Variants in ATP8B3 observed in about 807,000 individuals in gnomAD.
The protein encoded by ATP8B3 is phospholipid-transporting ATPase IK.
Under a neutral mutation model 140.9 loss-of-function variants are expected in ATP8B3, and 141 were observed. That is an observed-to-expected ratio of 1.00 (90% CI 0.87 to 1.15). The LOEUF (loss-of-function observed/expected upper bound fraction) is 1.15, where lower values mean the gene tolerates loss of function less well. ATP8B3 is among the 50% of genes most tolerant of loss of function. The probability of loss-of-function intolerance (pLI) is 0.00; values close to 1 mark genes in which losing one functional copy is unlikely to be tolerated. For missense variants in ATP8B3, 1,874 were observed against 1,740.6 expected (o/e 1.08, Z -1.36); for synonymous variants, 765 against 714.6 (o/e 1.07, Z -1.13).
rs1398289930 is a variant in ATP8B3, at chr19:1,792,094, G to A, written c.2097C>T (p.Tyr699=). The A allele has an allele frequency of 1.3e-5, 21 of 1,573,546 alleles. No individual in the cohort carries two copies. Among genetic ancestry groups the A allele is most frequent in the Non-Finnish European group, 1.6e-5 (19 of 1,163,570 alleles). The change falls in exon 19 of 29, where the codon TAC becomes TAT. Residue 699 remains tyrosine (Y), a synonymous_variant. Transcript: ENST00000310127. ...CGTAAATGTCCTCAGCCACCTCCCTGTAGGCCAGGCACAGTGTCCGCAGGG... is the reference window on the plus strand; with the variant it reads ...CGTAAATGTCCTCAGCCACCTCCCTATAGGCCAGGCACAGTGTCCGCAGGG... ...QETLRTLCLA[Y]REVAEDIYED... is the part of the protein sequence containing the mutation.
At chr19:1,808,792 C>A (rs1439873060) in intron 4 of ATP8B3, among the ~76,000 whole-genome samples, 1 of 152,230 alleles carries the variant, frequency 6.6e-6, no homozygotes, top group Non-Finnish European at 1.5e-5. Context: ...CCCTCACGTG[C>A]ACTGGGACAG....
At chr19:1,809,561 C>T in intron 4 of ATP8B3, 82 bp downstream of exon 4, 1 of 1,221,092 alleles carries the variant, frequency 8.2e-7, no homozygotes, top group Non-Finnish European at 1.2e-6. Flanking sequence ...AGAGGCAGGA[C>T]TCAGGAGGAG....
chr19:1,791,018 A>AT (rs1056561677), intron 20 of ATP8B3, among the ~76,000 whole-genome samples, 186 bp from the exon 21 acceptor site: 1 of 152,118 alleles, frequency 6.6e-6, no homozygotes, highest in African/African-American at 2.4e-5. Context: ...CAGCCCTGAG[A>AT]TTTTGGCTGT....
Position 1,805,850 on chromosome 19 carries a change from C to A in ATP8B3, c.821+38G>T. On this transcript the variant is annotated intron_variant, in intron 9 of 28. Coordinates refer to ENST00000310127, the MANE Select transcript of ATP8B3 (RefSeq NM_138813.4). This position sits in a 1 kb window ranked among gnomAD's most constrained non-coding sequence, Gnocchi z 5.2. ...GGGGGCTCCTCCGGGCCATGCTCCC[C>A]ACCCCCCAGGGTCCCCAGCGATGCC... The A allele has an allele frequency of 5.0e-6, 8 of 1,611,636 alleles. No homozygotes were observed. Among genetic ancestry groups the A allele is most frequent in the Non-Finnish European group, 6.8e-6 (8 of 1,179,014 alleles).
At chr19:1,808,741 C>T (rs930621779) in intron 4 of ATP8B3, among the ~76,000 whole-genome samples, 6 of 152,344 alleles carry the variant, frequency 3.9e-5, no homozygotes, top group African/African-American at 4.8e-5. Context: ...CAGGTAGGGC[C>T]GCGATGGACA....
At chr19:1,803,369 T>A (rs1037633162) in intron 10 of ATP8B3, among the ~76,000 whole-genome samples, 19 of 152,132 alleles carry the variant, frequency 1.2e-4, no homozygotes, top group Non-Finnish European at 2.6e-4. Context: ...GATGCAGGAA[T>A]TGGAGACGCT....
Position 1,806,020 on chromosome 19 carries a change from G to A in ATP8B3, c.751-62C>T, listed in dbSNP as rs1031713475. The A allele has an allele frequency of 4.0e-5, 64 of 1,606,588 alleles. No homozygotes were observed. Among genetic ancestry groups the A allele is most frequent in the Non-Finnish European group, 5.0e-5 (59 of 1,176,198 alleles). ...TGCAAGACAAATTGGGGGTGCGGCA[G>A]CCCTCCCCACCCTGGGAGGGGTGCT... is the stretch of plus-strand genomic sequence containing the variant. On this transcript the variant is annotated intron_variant, in intron 8 of 28. Transcript: ENST00000310127. This position sits in a 1 kb window ranked among gnomAD's most constrained non-coding sequence, Gnocchi z 5.6.
At position 1,811,791 on chromosome 19, in the gene ATP8B3, C is replaced by CG. The variant is rs1318422257; in HGVS notation, c.-56dup. On this transcript the variant is annotated 5_prime_UTR_variant, in exon 2 of 29. Transcript: ENST00000310127. Reference sequence around the variant, plus strand: ...GCGAAGAGGGGTTTAGGCTGTGGGACGGGGGAGAGGTGGGGGAGACCCCCG... The same window carrying CG: ...GCGAAGAGGGGTTTAGGCTGTGGGACGGGGGGAGAGGTGGGGGAGACCCCCG... 4 of 1,512,090 alleles carry CG rather than the reference C, an allele frequency of 2.6e-6. No individual in the cohort carries two copies. In the East Asian group the frequency reaches 9.2e-5, roughly 35 times the overall value. 93.7% of individuals were successfully genotyped at this position (1,512,090 alleles called of 1,614,324 possible). A position where few individuals can be genotyped will look rare whatever the true frequency, so the allele number is the denominator to read the frequency against.
At position 1,807,905 on chromosome 19, in the gene ATP8B3, CA is replaced by C. The variant is rs1476928366; in HGVS notation, c.516+316del. ...TGAGGTCAGCTGGGAGGGCGGGGGC[CA>C]GGGGAGCTGCGTGGCCGAGGCCGTT... On this transcript the variant is annotated intron_variant, in intron 5 of 28. Coordinates refer to ENST00000310127, the MANE Select transcript of ATP8B3 (RefSeq NM_138813.4). This position sits in a 1 kb window ranked among gnomAD's most constrained non-coding sequence, Gnocchi z 5.9. 6.6e-6 allele frequency among the ~76,000 whole-genome samples: 1 copy of C among 152,216 alleles called. No homozygotes were observed. The highest frequency in any genetic ancestry group is 2.4e-5 in the African/African-American group (1 of 41,446).
chr19:1,794,418 A>T lies in ATP8B3; in HGVS notation c.2055+1457T>A, dbSNP rs1161366403. ...TCAGAGTGCCCCCACATCCTGGCAG[A>T]GCAGGGGACACAGGACATCTTCCCA... is the stretch of plus-strand genomic sequence containing the variant. On this transcript the variant is annotated intron_variant, in intron 18 of 28. Coordinates refer to ENST00000310127, the MANE Select transcript of ATP8B3 (RefSeq NM_138813.4). The surrounding 1 kb of genome is among the most constrained non-coding windows in gnomAD (Gnocchi z 4.8). Among the ~76,000 whole-genome samples, 1 of 152,036 alleles carries T rather than the reference A, an allele frequency of 6.6e-6. No homozygotes were observed. Among genetic ancestry groups the T allele is most frequent in the Non-Finnish European group, 1.5e-5 (1 of 67,998 alleles).
intron 24 of ATP8B3, among the ~76,000 whole-genome samples, 152 bp downstream of exon 24, chr19:1,788,745 C>G (rs1372966107): frequency 6.6e-6 from 1 of 152,212 alleles, no homozygotes; most frequent in Non-Finnish European, 1.5e-5. Flanking sequence ...TAGGCCTCCA[C>G]TAACGCAGCC....
rs2069027707 is a variant in ATP8B3, at chr19:1,806,558, G to GGA, written c.677+69_677+70insTC. On this transcript the variant is annotated intron_variant, in intron 7 of 28. Coordinates refer to ENST00000310127, the MANE Select transcript of ATP8B3 (RefSeq NM_138813.4). This position sits in a 1 kb window ranked among gnomAD's most constrained non-coding sequence, Gnocchi z 5.6. ...GCACGGAAGGTGATGGACACTTGCC[G>GGA]AGGCCGATGACCCTGCTGGGCTGGA... 6.5e-7 allele frequency: 1 copy of GGA among 1,544,302 alleles called. No individual in the cohort carries two copies. Among genetic ancestry groups the GGA allele is most frequent in the African/African-American group, 1.4e-5 (1 of 72,972 alleles).
Position 1,786,391 on chromosome 19 carries a change from T to C in ATP8B3, c.3154-683A>G, listed in dbSNP as rs563227697. ...GACCAGCCTGGCCAACATGGCGAAA[T>C]CCTGTCTCTACTAAAAATAAAAAAA... On this transcript the variant is annotated intron_variant, in intron 25 of 28. Transcript: ENST00000310127. Among the ~76,000 whole-genome samples, 557 of 151,650 alleles carry C rather than the reference T, an allele frequency of 3.7e-3. 8 individuals are homozygous for C. The highest frequency in any genetic ancestry group is 0.013 in the African/African-American group (526 of 41,308).
chr19:1,785,018 T>A, intron 27 of ATP8B3, 72 bp from the exon 28 acceptor site: 1 of 1,533,886 alleles, frequency 6.5e-7, no homozygotes, highest in Non-Finnish European at 8.8e-7. Context: ...GGGAGCGCCT[T>A]GGTGCCTTTG....
Position 1,805,814 on chromosome 19 carries a change from T to A in ATP8B3, c.821+74A>T. 6.3e-7 allele frequency: 1 copy of A among 1,579,196 alleles called. No homozygotes were observed. Among genetic ancestry groups the A allele is most frequent in the Non-Finnish European group, 8.7e-7 (1 of 1,152,980 alleles). The stretch of plus-strand genomic sequence containing the variant: ...CGACCTTGGCTGGCCGCCTCCTTGG[T>A]GACTGGGGAAGGGGGCTCCTCCGGG... On this transcript the variant is annotated intron_variant, in intron 9 of 28. Transcript: ENST00000310127. This position sits in a 1 kb window ranked among gnomAD's most constrained non-coding sequence, Gnocchi z 5.2.
Position 1,792,131 on chromosome 19 carries a change from A to G in ATP8B3, c.2060T>C (p.Phe687Ser). ...EFATEEALAAFAQETLRTLCL... is the reference protein window; with the variant it reads ...EFATEEALAASAQETLRTLCL... ...CAGTGTCCGCAGGGTCTCCTGGGCA[A>G]AGGCCTGGGGGCCGGGCAGGTGGAA... Residue 687 changes from phenylalanine to serine, a missense_variant, in exon 19 of 29, where the codon TTT (phenylalanine) becomes TCT (serine). Physicochemically the swap from Phe to Ser is radical, Grantham distance 155. Transcript: ENST00000310127. 1 of 1,576,600 alleles carries G rather than the reference A, an allele frequency of 6.3e-7. No homozygotes were observed. Among genetic ancestry groups the G allele is most frequent in the Non-Finnish European group, 8.6e-7 (1 of 1,168,452 alleles).
In ATP8B3 at chr19:1,805,336, G is replaced by A; in HGVS notation, c.904+38C>T. The stretch of plus-strand genomic sequence containing the variant: ...AATACCCTAACTTTTAACTTTTACA[G>A]ATTCGAGGGACGTGACTCCCTGCTC... On this transcript the variant is annotated intron_variant, in intron 10 of 28. Coordinates refer to ENST00000310127, the MANE Select transcript of ATP8B3 (RefSeq NM_138813.4). This position sits in a 1 kb window ranked among gnomAD's most constrained non-coding sequence, Gnocchi z 5.2. 6.6e-7 allele frequency: 1 copy of A among 1,509,078 alleles called. No homozygotes were observed. The highest frequency in any genetic ancestry group is 9.0e-7 in the Non-Finnish European group (1 of 1,107,390). The allele number at this position is 1,509,078 out of a possible 1,614,324, so 93.5% of individuals were successfully genotyped here. A position where few individuals can be genotyped will look rare whatever the true frequency, so the allele number is the denominator to read the frequency against.
chr19:1,796,594 C>G (rs972968978), intron 16 of ATP8B3, 117 bp downstream of exon 16: 8 of 1,336,362 alleles, frequency 6.0e-6, no homozygotes, highest in Non-Finnish European at 8.0e-6. Context: ...CCGGCCTCAG[C>G]GCCCCCCAAG....
rs1031459497 is a variant in ATP8B3, at chr19:1,790,047, C to CG, written c.2379-59dup. On this transcript the variant is annotated intron_variant, in intron 21 of 28. Transcript: ENST00000310127. Reference sequence around the variant, plus strand: ...GGGGGCGGGCTTCTCCCCACTTCCCCGGGGGCTCCACTGCCCCTCCCACCC... The same window carrying CG: ...GGGGGCGGGCTTCTCCCCACTTCCCCGGGGGGCTCCACTGCCCCTCCCACCC... 2.9e-6 allele frequency: 4 copies of CG among 1,369,594 alleles called. No individual in the cohort carries two copies. The South Asian group carries it at 3.5e-5, about 12-fold the overall frequency. 84.8% of individuals were successfully genotyped at this position (1,369,594 alleles called of 1,614,324 possible).
Sources: gnomAD v4.1 joint callset for allele counts (sites outside exome capture counted in the v4.1 genomes callset) on GRCh38, gnomAD v4.1.1 for gene constraint, Gnocchi (gnomAD v3.1) non-coding constraint, MANE v1.5 for transcripts, NCBI Gene and HGNC (gene_info 2026-07-23, HGNC 2026-07-21) for gene names.